Variants in PDZRN3 observed in about 807,000 individuals in gnomAD.
PDZRN3 encodes E3 ubiquitin-protein ligase PDZRN3.
In PDZRN3, 38 loss-of-function variants were observed where a neutral mutation model predicts 85.7. The observed-to-expected ratio is 0.44, with a 90% confidence interval of 0.34 to 0.58. PDZRN3 has a LOEUF of 0.58. PDZRN3 is among the 20% of genes least tolerant of loss of function. The probability of loss-of-function intolerance (pLI) is 0.01; values close to 1 mark genes in which losing one functional copy is unlikely to be tolerated. For synonymous variants in PDZRN3, 759 were observed against 638.0 expected (o/e 1.19, Z -2.86); for missense variants, 1,629 against 1,506.4 (o/e 1.08, Z -1.35).
intron 3 of PDZRN3, among the ~76,000 whole-genome samples, chr3:73,526,526 C>G (rs948631560): frequency 6.6e-6 from 1 of 152,262 alleles, no homozygotes; most frequent in South Asian, 2.1e-4. Flanking sequence ...CAGGAGCAGT[C>G]AGAAACAAAG....
At chr3:73,491,257 A>G (rs918575296) in intron 3 of PDZRN3, among the ~76,000 whole-genome samples, 7 of 152,120 alleles carry the variant, frequency 4.6e-5, no homozygotes, top group Non-Finnish European at 8.8e-5. Flanking sequence ...GGAGTGTACT[A>G]AGATTAGCCT....
intron 1 of PDZRN3, 118 bp from the exon 2 acceptor site, chr3:73,608,802 T>A (rs761989763): frequency 4.1e-5 from 27 of 666,164 alleles, no homozygotes; most frequent in Non-Finnish European, 6.0e-5. Flanking sequence ...AATCCTGTTA[T>A]CTCTTGGGAA....
rs548021016 is a variant in PDZRN3, at chr3:73,472,488, T to C, written c.919-68093A>G. Among the ~76,000 whole-genome samples, 35 of 152,336 alleles carry C rather than the reference T, an allele frequency of 2.3e-4. No homozygotes were observed. In the South Asian group the frequency reaches 4.1e-3, roughly 18 times the overall value. Reference sequence around the variant, plus strand: ...CCTCGGTCTGAAGCTTCTAATGACCTTTCTCTGGCCCTCAACACATATGGC... The same window carrying C: ...CCTCGGTCTGAAGCTTCTAATGACCCTTCTCTGGCCCTCAACACATATGGC... On this transcript the variant is annotated intron_variant, in intron 3 of 9. Coordinates refer to ENST00000263666, the MANE Select transcript of PDZRN3 (RefSeq NM_015009.3).
chr3:73,416,890 T>TTTTTTTTTTTTTTTTTTG (rs1702099685), intron 3 of PDZRN3, among the ~76,000 whole-genome samples: 1 of 139,960 alleles, frequency 7.1e-6, no homozygotes, highest in African/African-American at 2.8e-5. Context: ...TTTTTTTTTT[T>TTTTTTTTTTTTTTTTTTG]TTTTTTTTTT....
At chr3:73,608,365 C>T (rs1702633453) in intron 2 of PDZRN3, among the ~76,000 whole-genome samples, 1 of 149,404 alleles carries the variant, frequency 6.7e-6, no homozygotes, top group Non-Finnish European at 1.5e-5. Context: ...AATGCACCCC[C>T]AAAACCAAAC....
At chr3:73,449,888 A>G (rs1314987554) in intron 3 of PDZRN3, among the ~76,000 whole-genome samples, 3 of 152,184 alleles carry the variant, frequency 2.0e-5, no homozygotes, top group Non-Finnish European at 4.4e-5. Flanking sequence ...AGATGAGGCA[A>G]TTGACTTAAA....
rs368474683 is a variant in PDZRN3, at chr3:73,432,813, A to AT, written c.919-28419dup. ...CTAAAAAGAAAACCTTAGCTGGATT[A>AT]TTTTTTTTTTATTACTGCCAAGACA... On this transcript the variant is annotated intron_variant, in intron 3 of 9. Coordinates refer to ENST00000263666, the MANE Select transcript of PDZRN3 (RefSeq NM_015009.3). Among the ~76,000 whole-genome samples the AT allele has an allele frequency of 2.6e-3, 389 of 150,074 alleles. 1 individual carries two copies. The highest frequency in any genetic ancestry group is 6.0e-3 in the African/African-American group (246 of 41,002).
rs1703267478 is a variant in PDZRN3 at position 73,382,851 on chromosome 3, C to CG, written c.*513dup. 1 of 154,518 alleles carries CG rather than the reference C, an allele frequency of 6.5e-6. No homozygotes were observed. The highest frequency in any genetic ancestry group is 1.9e-4 in the East Asian group (1 of 5,204). The allele number at this position is 154,518 out of a possible 1,614,324, so 9.6% of individuals were successfully genotyped here. ...TTATATGTATTAAATCGTTAACCAC[C>CG]GGGTTGGGTGGTTTTGAGTTGAAAC... is the stretch of plus-strand genomic sequence containing the variant. On this transcript the variant is annotated 3_prime_UTR_variant, in exon 10 of 10. Coordinates refer to ENST00000263666, the MANE Select transcript of PDZRN3 (RefSeq NM_015009.3).
At chr3:73,579,206 A>C (rs572417584) in intron 3 of PDZRN3, among the ~76,000 whole-genome samples, 1 of 152,306 alleles carries the variant, frequency 6.6e-6, no homozygotes, top group East Asian at 1.9e-4. Flanking sequence ...GTGAGGAGAA[A>C]GCAAGAAGGT....
intron 3 of PDZRN3, among the ~76,000 whole-genome samples, chr3:73,421,280 CAGA>C (rs1702196814): frequency 6.6e-6 from 1 of 152,178 alleles, no homozygotes. Flanking sequence ...TCCTGAGCTT[CAGA>C]AGAAGAGTTT....
chr3:73,501,680 T>C (rs916851417), intron 3 of PDZRN3, among the ~76,000 whole-genome samples: 1 of 152,154 alleles, frequency 6.6e-6, no homozygotes, highest in African/African-American at 2.4e-5. Flanking sequence ...CCATATTTGG[T>C]GAGAATAAGG....
chr3:73,386,965 C>T (rs145594076), intron 8 of PDZRN3, among the ~76,000 whole-genome samples: 31 of 152,272 alleles, frequency 2.0e-4, no homozygotes, highest in African/African-American at 4.6e-4. Flanking sequence ...CGAGGGACCT[C>T]GTGGGAGATA....
At chr3:73,533,960 A>G (rs1704719601) in intron 3 of PDZRN3, among the ~76,000 whole-genome samples, 1 of 150,470 alleles carries the variant, frequency 6.6e-6, no homozygotes, top group Non-Finnish European at 1.5e-5. Context: ...ATTTTTTATC[A>G]CTTAGTACCA....
chr3:73,457,159 G>A lies in PDZRN3; in HGVS notation c.919-52764C>T, dbSNP rs374120072. Among the ~76,000 whole-genome samples the A allele has an allele frequency of 4.6e-5, 7 of 151,896 alleles. No individual in the cohort carries two copies. In the East Asian group the frequency reaches 7.8e-4, roughly 17 times the overall value. On this transcript the variant is annotated intron_variant, in intron 3 of 9. Transcript: ENST00000263666. ...GTGATCTCGGCTCACCGCAACCTCC[G>A]CCTCCTGGATTCAAGTGATTCTCCT...
chr3:73,406,247 A>C (rs2106734094), intron 3 of PDZRN3, among the ~76,000 whole-genome samples: 1 of 152,340 alleles, frequency 6.6e-6, no homozygotes, highest in Non-Finnish European at 1.5e-5. Flanking sequence ...TTGAGAAAAG[A>C]ATGAAAGGAC....
At chr3:73,621,161 G>C (rs557678057) in intron 1 of PDZRN3, among the ~76,000 whole-genome samples, 5 of 152,172 alleles carry the variant, frequency 3.3e-5, no homozygotes, top group African/African-American at 1.2e-4. Flanking sequence ...CTCCAATCAC[G>C]CTAAGGCTTG....
intron 3 of PDZRN3, among the ~76,000 whole-genome samples, chr3:73,586,624 G>T (rs1373829695): frequency 3.9e-5 from 6 of 152,178 alleles, no homozygotes; most frequent in Admixed American, 1.3e-4. Flanking sequence ...CACCGGGGGG[G>T]TCTCAGAGAT....
chr3:73,572,631 C>G (rs1025999518), intron 3 of PDZRN3, among the ~76,000 whole-genome samples: 3 of 152,106 alleles, frequency 2.0e-5, no homozygotes, highest in African/African-American at 7.2e-5. Context: ...TCCAAGCACA[C>G]CTGAGTCACT....
intron 3 of PDZRN3, among the ~76,000 whole-genome samples, chr3:73,562,122 T>C (rs1439007411): frequency 1.3e-5 from 2 of 152,178 alleles, no homozygotes; most frequent in African/African-American, 4.8e-5. Flanking sequence ...TAAATCCCCA[T>C]TACACTCACA....
Sources: allele counts gnomAD v4.1 joint callset (sites outside exome capture counted in the v4.1 genomes callset), GRCh38; gene constraint gnomAD v4.1.1; transcripts MANE v1.5; gene names NCBI Gene and HGNC (gene_info 2026-07-23, HGNC 2026-07-21).